COL28A1: variants seen among roughly 807,000 people sequenced by gnomAD.
COL28A1 encodes collagen alpha-1(XXVIII) chain.
Under a neutral mutation model 150.2 loss-of-function variants are expected in COL28A1, and 161 were observed. That is an observed-to-expected ratio of 1.07 (90% CI 0.94 to 1.22). COL28A1 has a LOEUF of 1.22. COL28A1 is among the 50% of genes most tolerant of loss of function. COL28A1 has a pLI of 0.00. For missense variants in COL28A1, 1,617 were observed against 1,388.3 expected (o/e 1.16, Z -2.62); for synonymous variants, 552 against 469.7 (o/e 1.18, Z -2.26).
intron 27 of COL28A1, among the ~76,000 whole-genome samples, chr7:7,384,702 G>T (rs73674515): frequency 0.018 from 2,744 of 152,256 alleles, 90 homozygotes; most frequent in African/African-American, 0.063. Flanking sequence ...TGCAGATAAG[G>T]AGGGACTACT....
Position 7,370,766 on chromosome 7 carries a change from TGA to T in COL28A1, c.3023_3024del (p.Leu1008GlnfsTer2), listed in dbSNP as rs1308545644. The T allele has an allele frequency of 1.2e-6, 2 of 1,613,738 alleles. No individual in the cohort carries two copies. The highest frequency in any genetic ancestry group is 1.7e-6 in the Non-Finnish European group (2 of 1,179,862). On this transcript the variant is annotated frameshift_variant, in exon 33 of 35. Coordinates refer to ENST00000399429, the MANE Select transcript of COL28A1 (RefSeq NM_001037763.3). LOFTEE classifies it high-confidence loss of function. ...QPGFGMSGEE[L>X]SESTPEPQKE... ...TTTTGAGGCTCTGGAGTAGATTCAC[TGA>T]GTTCTTCCCCTGACATCCCAAATCC...
intron 15 of COL28A1, among the ~76,000 whole-genome samples, chr7:7,471,050 A>T (rs1002352027): frequency 7.0e-6 from 1 of 143,272 alleles, no homozygotes; most frequent in Non-Finnish European, 1.5e-5. Context: ...AGCATGGCAC[A>T]TGTATACATA....
At chr7:7,394,141 C>T (rs912323939) in intron 27 of COL28A1, among the ~76,000 whole-genome samples, 1 of 152,146 alleles carries the variant, frequency 6.6e-6, no homozygotes, top group Non-Finnish European at 1.5e-5. Context: ...CAGAGTGCAC[C>T]GTTCCTCATG....
intron 2 of COL28A1, 54 bp downstream of exon 2, chr7:7,532,698 C>T: frequency 6.4e-7 from 1 of 1,568,302 alleles, no homozygotes; most frequent in Non-Finnish European, 8.6e-7. Context: ...GAAAAATTCA[C>T]ATAAGTATTT....
intron 16 of COL28A1, among the ~76,000 whole-genome samples, chr7:7,454,585 A>C (rs1343688960): frequency 1.3e-5 from 2 of 152,102 alleles, no homozygotes; most frequent in African/African-American, 4.8e-5. Flanking sequence ...GAAGAACAAC[A>C]ACCTCCACCA....
intron 31 of COL28A1, among the ~76,000 whole-genome samples, chr7:7,374,978 C>G (rs1781466367): frequency 6.6e-6 from 1 of 152,164 alleles, no homozygotes; most frequent in African/African-American, 2.4e-5. Flanking sequence ...AGTTGTGAAG[C>G]AAGGTGAATA....
At chr7:7,381,277 A>T (rs1450100521) in intron 28 of COL28A1, among the ~76,000 whole-genome samples, 1 of 152,166 alleles carries the variant, frequency 6.6e-6, no homozygotes, top group East Asian at 1.9e-4. Flanking sequence ...TAGAGATGGG[A>T]TCTCACTATA....
intron 14 of COL28A1, among the ~76,000 whole-genome samples, chr7:7,475,229 G>A (rs1038828034): frequency 6.6e-6 from 1 of 151,898 alleles, no homozygotes; most frequent in Non-Finnish European, 1.5e-5. Flanking sequence ...TTAATATAAC[G>A]TATATTGTCA....
At chr7:7,462,911 C>G (rs1787754705) in intron 15 of COL28A1, among the ~76,000 whole-genome samples, 1 of 151,216 alleles carries the variant, frequency 6.6e-6, no homozygotes, top group South Asian at 2.1e-4. Context: ...TCTGGAAGCT[C>G]TCAGTAATAC....
chr7:7,499,251 C>T (rs1274252223), intron 11 of COL28A1, among the ~76,000 whole-genome samples: 1 of 152,088 alleles, frequency 6.6e-6, no homozygotes, highest in African/African-American at 2.4e-5. Context: ...GGCGGCTTGG[C>T]TATGAGTCTT....
intron 11 of COL28A1, among the ~76,000 whole-genome samples, chr7:7,503,269 G>T (rs1298207055): frequency 6.6e-6 from 1 of 151,612 alleles, no homozygotes; most frequent in Non-Finnish European, 1.5e-5. Flanking sequence ...TAAACTCTTT[G>T]TGCCTTAGTA....
At chr7:7,457,317 G>A (rs979032541) in intron 15 of COL28A1, among the ~76,000 whole-genome samples, 2 of 152,162 alleles carry the variant, frequency 1.3e-5, no homozygotes, top group Non-Finnish European at 1.5e-5. Context: ...TGTTGAGAGT[G>A]GAGGTGGTGG....
intron 22 of COL28A1, among the ~76,000 whole-genome samples, chr7:7,437,074 T>TGGATATCTGCTAAACTATA (rs1785398594): frequency 6.6e-6 from 1 of 152,166 alleles, no homozygotes; most frequent in African/African-American, 2.4e-5. Context: ...TGGATATCTC[T>TGGATATCTGCTAAACTATA]TCTGCTAAAC....
At chr7:7,422,360 G>A (rs1370110333) in intron 25 of COL28A1, among the ~76,000 whole-genome samples, 1 of 152,186 alleles carries the variant, frequency 6.6e-6, no homozygotes, top group Non-Finnish European at 1.5e-5. Context: ...GTTGGGCGCA[G>A]TGGCTTACAC....
chr7:7,390,600 C>A (rs978866499), intron 27 of COL28A1, among the ~76,000 whole-genome samples: 2 of 152,054 alleles, frequency 1.3e-5, no homozygotes, highest in Admixed American at 1.3e-4. Context: ...TGTTAGAATT[C>A]GGCTGTGAAT....
At chr7:7,388,301 T>C (rs1374229855) in intron 27 of COL28A1, among the ~76,000 whole-genome samples, 1 of 152,148 alleles carries the variant, frequency 6.6e-6, no homozygotes, top group Non-Finnish European at 1.5e-5. Context: ...CTAAGAATGA[T>C]GGTTTCCAGC....
At chr7:7,500,384 T>C (rs1345088744) in intron 11 of COL28A1, among the ~76,000 whole-genome samples, 1 of 152,356 alleles carries the variant, frequency 6.6e-6, no homozygotes, top group Non-Finnish European at 1.5e-5. Flanking sequence ...AGCAGAATTT[T>C]TGAATCTCCC....
At chr7:7,542,523 A>G in the COL28A1 span, among the ~76,000 whole-genome samples, 3 of 152,340 alleles carry the variant, frequency 2.0e-5, no homozygotes, top group African/African-American at 7.2e-5. Flanking sequence ...GGCCAAAAAG[A>G]GCAAGAGCAA....
chr7:7,526,966 T>A lies in COL28A1; in HGVS notation c.682-2717A>T, dbSNP rs143403167. Among the ~76,000 whole-genome samples the A allele has an allele frequency of 3.9e-3, 596 of 152,342 alleles. 4 individuals are homozygous for A. The highest frequency in any genetic ancestry group is 0.014 in the African/African-American group (563 of 41,580). The stretch of plus-strand genomic sequence containing the variant: ...AGCAATATCTTAATCAATTTTTAAA[T>A]TCACGAATTCAGCTCTTACTGTGCC... On this transcript the variant is annotated intron_variant, in intron 3 of 34. Coordinates refer to ENST00000399429, the MANE Select transcript of COL28A1 (RefSeq NM_001037763.3).
Sources: gnomAD v4.1 joint callset for allele counts (sites outside exome capture counted in the v4.1 genomes callset) on GRCh38, gnomAD v4.1.1 for gene constraint, MANE v1.5 for transcripts, NCBI Gene and HGNC (gene_info 2026-07-23, HGNC 2026-07-21) for gene names.